Variants in FAM216A observed in about 807,000 individuals in gnomAD.
The protein encoded by FAM216A is family with sequence similarity 216 member A, also known as protein FAM216A.
In FAM216A, 26 loss-of-function variants were observed where a neutral mutation model predicts 37.6. The observed-to-expected ratio is 0.69, with a 90% CI of 0.51 to 0.96. The LOEUF is 0.96. Ranked by LOEUF, FAM216A falls within the 40% of genes least tolerant of loss-of-function variation. FAM216A has a pLI of 0.00. For missense variants in FAM216A, 326 were observed against 339.3 expected (o/e 0.96, Z 0.31); for synonymous variants, 110 against 121.7 (o/e 0.90, Z 0.64).
At chr12:110,485,254 C>G in intron 3 of FAM216A, 55 bp downstream of exon 3, 1 of 1,529,976 alleles carries the variant, frequency 6.5e-7, no homozygotes, top group Non-Finnish European at 8.8e-7. Context: ...CAGAGCCGAA[C>G]TTTTTACTGA....
At chr12:110,476,200 A>G (rs1184836738) in intron 2 of FAM216A, among the ~76,000 whole-genome samples, 1 of 151,048 alleles carries the variant, frequency 6.6e-6, no homozygotes, top group African/African-American at 2.4e-5. Flanking sequence ...TTCAGTTGTC[A>G]ATGTTTTTTT....
At chr12:110,473,505 C>T (rs192591914) in intron 2 of FAM216A, among the ~76,000 whole-genome samples, 49 of 152,342 alleles carry the variant, frequency 3.2e-4, no homozygotes, top group Non-Finnish European at 5.7e-4. Context: ...AGCCACCACA[C>T]CCAGCCCACA....
intron 2 of FAM216A, among the ~76,000 whole-genome samples, chr12:110,474,565 G>A (rs574707603): frequency 2.7e-5 from 4 of 150,622 alleles, no homozygotes; most frequent in African/African-American, 4.9e-5. Flanking sequence ...GGTGGTGCAC[G>A]TCCGTAGTCC....
intron 2 of FAM216A, among the ~76,000 whole-genome samples, chr12:110,480,140 C>T (rs1592979359): frequency 2.0e-5 from 3 of 150,484 alleles, no homozygotes. Flanking sequence ...ATTCTCCTGC[C>T]TCAGCCTCCT....
chr12:110,480,196 T>C (rs1174218193), intron 2 of FAM216A, among the ~76,000 whole-genome samples: 1 of 14,154 alleles, frequency 7.1e-5, no homozygotes, highest in African/African-American at 5.1e-4. Flanking sequence ...CTAGCTAATT[T>C]TTTTTTTTTT....
At chr12:110,489,893 G>C (rs1487900120) in intron 6 of FAM216A, 126 bp from the exon 7 acceptor site, 3 of 592,288 alleles carry the variant, frequency 5.1e-6, no homozygotes, top group Non-Finnish European at 6.0e-6. Flanking sequence ...AGGTGACTAA[G>C]AGCCTTGAAA....
chr12:110,479,419 A>T (rs763219451), intron 2 of FAM216A, among the ~76,000 whole-genome samples: 52 of 151,994 alleles, frequency 3.4e-4, no homozygotes, highest in Non-Finnish European at 6.0e-4. Context: ...TTCCATATTA[A>T]TAGGTAACTC....
intron 2 of FAM216A, among the ~76,000 whole-genome samples, chr12:110,473,943 G>A (rs1203198474): frequency 6.6e-6 from 1 of 152,038 alleles, no homozygotes; most frequent in East Asian, 1.9e-4. Flanking sequence ...GTAGGAGTGT[G>A]TGTGTATGTA....
chr12:110,482,910 C>T (rs1392418611), intron 2 of FAM216A, among the ~76,000 whole-genome samples: 2 of 151,906 alleles, frequency 1.3e-5, no homozygotes, highest in Non-Finnish European at 2.9e-5. Flanking sequence ...AAAATGAGTA[C>T]TGTGTATTCC....
At chr12:110,475,793 C>T (rs193023940) in intron 2 of FAM216A, among the ~76,000 whole-genome samples, 13 of 151,736 alleles carry the variant, frequency 8.6e-5, no homozygotes, top group East Asian at 1.9e-4. Flanking sequence ...GGCAGGAGTG[C>T]GGGGATACAA....
intron 3 of FAM216A, 142 bp downstream of exon 3, chr12:110,485,341 T>C (rs147340116): frequency 8.3e-5 from 51 of 614,978 alleles, no homozygotes; most frequent in African/African-American, 8.2e-4. Context: ...TCAATAAATA[T>C]CTTTGAGTAA....
chr12:110,489,442 T>TA (rs2062797803), intron 6 of FAM216A, among the ~76,000 whole-genome samples: 2 of 149,640 alleles, frequency 1.3e-5, no homozygotes, highest in South Asian at 4.2e-4. Context: ...AGGCGGAGCT[T>TA]ACAGTGAGCC....
intron 2 of FAM216A, among the ~76,000 whole-genome samples, chr12:110,478,163 T>G (rs2062725305): frequency 6.6e-6 from 1 of 152,246 alleles, no homozygotes; most frequent in African/African-American, 2.4e-5. Flanking sequence ...AATACTTTAC[T>G]TTAAATCTGT....
intron 2 of FAM216A, among the ~76,000 whole-genome samples, chr12:110,484,455 A>AAAAAC (rs1565853407): frequency 7.2e-6 from 1 of 138,590 alleles, no homozygotes; most frequent in Non-Finnish European, 1.6e-5. Flanking sequence ...AAAAAAAAAA[A>AAAAAC]CTATATAGTA....
At position 110,469,019 on chromosome 12, in the gene FAM216A, G is replaced by C; in HGVS notation, c.143+1G>C. On this transcript the variant is annotated splice_donor_variant, in intron 1 of 6. Transcript: ENST00000377673. LOFTEE classifies it high-confidence loss of function. ...CCGGGACCGAGGGTGGCGGCGGCGG[G>C]TGAGGTTGGGGGCCCCGGGGTAAGG... 1 of 1,469,886 alleles carries C rather than the reference G, an allele frequency of 6.8e-7. No individual in the cohort carries two copies. The highest frequency in any genetic ancestry group is 2.7e-5 in the East Asian group (1 of 37,468). The allele number at this position is 1,469,886 out of a possible 1,614,324, so 91.1% of individuals were successfully genotyped here.
In FAM216A at chr12:110,490,156, T is replaced by C. The variant is rs1565856221; in HGVS notation, c.*19T>C. On this transcript the variant is annotated 3_prime_UTR_variant, in exon 7 of 7. Coordinates refer to ENST00000377673, the MANE Select transcript of FAM216A (RefSeq NM_013300.3). ...AACTTGACAGTCTTGTCTCGTGTAT[T>C]GAATTCGTGCCAAAGGTGAGGGTAA... 2 of 1,228,842 alleles carry C rather than the reference T, an allele frequency of 1.6e-6. No individual in the cohort carries two copies. Among genetic ancestry groups the C allele is most frequent in the Non-Finnish European group, 2.4e-6 (2 of 828,432 alleles). 76.1% of individuals were successfully genotyped at this position (1,228,842 alleles called of 1,614,324 possible).
chr12:110,486,748 G>A (rs1485648357), intron 5 of FAM216A, 31 bp downstream of exon 5: 5 of 1,574,054 alleles, frequency 3.2e-6, no homozygotes, highest in South Asian at 1.2e-5. Flanking sequence ...GGGGGGAAAT[G>A]CATCTCAGTT....
In FAM216A at chr12:110,490,046, T is replaced by C. The variant is rs771974983; in HGVS notation, c.731T>C (p.Met244Thr). ...TVSSDDSESH[M>T]SEEKKEEDLL... ...TCTTCAGATGATTCTGAATCACACATGAGTGAAGAAAAAAAGGAAGAAGAT... is the reference window on the plus strand; with the variant it reads ...TCTTCAGATGATTCTGAATCACACACGAGTGAAGAAAAAAAGGAAGAAGAT... The change falls in exon 7 of 7, where the codon ATG becomes ACG. Residue 244 changes from methionine (M) to threonine (T), a missense_variant. Coordinates refer to ENST00000377673, the MANE Select transcript of FAM216A (RefSeq NM_013300.3). 6.6e-7 allele frequency: 1 copy of C among 1,505,046 alleles called. No homozygotes were observed. The highest frequency in any genetic ancestry group is 1.1e-5 in the South Asian group (1 of 88,886). The allele number at this position is 1,505,046 out of a possible 1,614,324, so 93.2% of individuals were successfully genotyped here. A position where few individuals can be genotyped will look rare whatever the true frequency, so the allele number is the denominator to read the frequency against.
chr12:110,469,305 G>A (rs1361939031), intron 1 of FAM216A: 1 of 360,416 alleles, frequency 2.8e-6, no homozygotes, highest in Non-Finnish European at 5.0e-6. Flanking sequence ...TCTCTGCCCC[G>A]AGGGGGCGCT....
Sources: allele counts gnomAD v4.1 joint callset (sites outside exome capture counted in the v4.1 genomes callset), GRCh38; gene constraint gnomAD v4.1.1; transcripts MANE v1.5; gene names NCBI Gene and HGNC (gene_info 2026-07-23, HGNC 2026-07-21).